The following ZNF521 variants were observed in gnomAD, a reference collection of about 807,000 sequenced individuals.
ZNF521 encodes LYST-interacting protein 3.
A neutral mutation model predicts 105.5 loss-of-function variants in ZNF521; 14 were observed. The observed-to-expected ratio is 0.13, with a 90% CI of 0.09 to 0.21. The LOEUF (loss-of-function observed/expected upper bound fraction) is 0.21, where lower values mean the gene tolerates loss of function less well. Among genes scored for constraint, ZNF521 ranks in the 10% least tolerant of loss-of-function variants. The probability of loss-of-function intolerance (pLI) is 1.00; values close to 1 mark genes in which losing one functional copy is unlikely to be tolerated. For missense variants in ZNF521, 1,233 were observed against 1,629.7 expected, an observed-to-expected ratio of 0.76 and a Z score of 4.19; for synonymous variants, 635 against 606.0, an observed-to-expected ratio of 1.05 and a Z score of -0.70.
chr18:25,190,412 A>C (rs753229818), intron 5 of ZNF521, among the ~76,000 whole-genome samples: 6 of 152,188 alleles, frequency 3.9e-5, no homozygotes, highest in Non-Finnish European at 7.3e-5. Context: ...ATTTCTATTC[A>C]TTCTTTTGAA....
intron 3 of ZNF521, among the ~76,000 whole-genome samples, chr18:25,275,700 G>C (rs1482621123): frequency 6.6e-6 from 1 of 152,142 alleles, no homozygotes; most frequent in Non-Finnish European, 1.5e-5. Flanking sequence ...GGGGCCAATG[G>C]GCTTTCCTGC....
chr18:25,199,924 T>TG (rs780722379), intron 4 of ZNF521, among the ~76,000 whole-genome samples: 55 of 152,070 alleles, frequency 3.6e-4, no homozygotes, highest in Non-Finnish European at 5.9e-4. Flanking sequence ...ATAGCTCACA[T>TG]AATTTTATAA....
intron 5 of ZNF521, among the ~76,000 whole-genome samples, chr18:25,114,660 TAAATGAAA>T (rs2034268119): frequency 6.6e-6 from 1 of 152,156 alleles, no homozygotes; most frequent in Non-Finnish European, 1.5e-5. Context: ...TCTAAGTGGG[TAAATGAAA>T]AGCAAACACC....
At chr18:25,338,412 CA>C (rs1384369561) in intron 2 of ZNF521, among the ~76,000 whole-genome samples, 5 of 151,742 alleles carry the variant, frequency 3.3e-5, no homozygotes, top group African/African-American at 1.2e-4. Context: ...AGTTTTTCTA[CA>C]TTTTTTTTTT....
At chr18:25,185,983 C>T (rs1023345693) in intron 5 of ZNF521, among the ~76,000 whole-genome samples, 1 of 152,142 alleles carries the variant, frequency 6.6e-6, no homozygotes, top group African/African-American at 2.4e-5. Context: ...ATTTTTATCC[C>T]TCATAAAATG....
chr18:25,233,527 T>C (rs1035201606), intron 3 of ZNF521, among the ~76,000 whole-genome samples: 1 of 152,214 alleles, frequency 6.6e-6, no homozygotes, highest in Non-Finnish European at 1.5e-5. Flanking sequence ...ACCAATTAAA[T>C]GAATTAACAG....
At position 25,167,107 on chromosome 18, in the gene ZNF521, T is replaced by C. The variant is rs534322820; in HGVS notation, c.3658+28053A>G. On this transcript the variant is annotated intron_variant, in intron 5 of 7. Coordinates refer to ENST00000361524, the MANE Select transcript of ZNF521 (RefSeq NM_015461.3). ...GTTCTCTTCCTAGCACAGGTGAACC[T>C]AGTTCATCTGAATGGGTACTTACTG... Among the ~76,000 whole-genome samples, 106 of 152,336 alleles carry C rather than the reference T, an allele frequency of 7.0e-4. 1 individual carries two copies. Among genetic ancestry groups the C allele is most frequent in the Admixed American group, 3.4e-3 (52 of 15,302 alleles).
intron 3 of ZNF521, among the ~76,000 whole-genome samples, chr18:25,319,272 T>C (rs1182827031): frequency 1.3e-5 from 2 of 152,094 alleles, no homozygotes; most frequent in Non-Finnish European, 2.9e-5. Flanking sequence ...AACAAATAGA[T>C]AAATTATGAA....
chr18:25,182,749 C>T (rs1186763789), intron 5 of ZNF521, among the ~76,000 whole-genome samples: 2 of 152,098 alleles, frequency 1.3e-5, no homozygotes, highest in East Asian at 1.9e-4. Context: ...ATACTGTGGT[C>T]ACTGGCTGCA....
chr18:25,294,279 T>TA (rs1911197946), intron 3 of ZNF521, among the ~76,000 whole-genome samples: 1 of 152,200 alleles, frequency 6.6e-6, no homozygotes. Flanking sequence ...TTTCTGCTGA[T>TA]CCGCTGGTCA....
At chr18:25,316,847 C>CT (rs200212987) in intron 3 of ZNF521, among the ~76,000 whole-genome samples, 367 of 126,916 alleles carry the variant, frequency 2.9e-3, no homozygotes, top group Middle Eastern at 4.7e-3. Flanking sequence ...GCAAGTAAGA[C>CT]TTTTTTTTTT....
chr18:25,062,572 C>T lies in ZNF521; in HGVS notation c.*140G>A, dbSNP rs889823295. On this transcript the variant is annotated 3_prime_UTR_variant, in exon 8 of 8. Coordinates refer to ENST00000361524, the MANE Select transcript of ZNF521 (RefSeq NM_015461.3). ...AAAGTTCAAACACATGAACATCCAA[C>T]AGTTTGATAATACAAGTTTTATGGT... 8.1e-5 allele frequency: 94 copies of T among 1,163,758 alleles called. No individual in the cohort carries two copies. The highest frequency in any genetic ancestry group is 9.6e-5 in the Non-Finnish European group (78 of 811,132). 72.1% of individuals were successfully genotyped at this position (1,163,758 alleles called of 1,614,324 possible). A position where few individuals can be genotyped will look rare whatever the true frequency, so the allele number is the denominator to read the frequency against.
At chr18:25,303,849 G>A (rs1042600730) in intron 3 of ZNF521, among the ~76,000 whole-genome samples, 3 of 152,158 alleles carry the variant, frequency 2.0e-5, no homozygotes, top group African/African-American at 7.2e-5. Context: ...AATAATCTGA[G>A]AGTAAACTCA....
chr18:25,188,568 G>A (rs2035765768), intron 5 of ZNF521, among the ~76,000 whole-genome samples: 1 of 152,178 alleles, frequency 6.6e-6, no homozygotes, highest in South Asian at 2.1e-4. Context: ...TGCTTTGCAA[G>A]CTTCATTCAG....
rs150659233 is a variant in ZNF521, at chr18:25,098,250, T to C, written c.3659-6169A>G. Among the ~76,000 whole-genome samples the C allele has an allele frequency of 3.9e-3, 594 of 152,222 alleles. 3 individuals carry two copies. The highest frequency in any genetic ancestry group is 0.014 in the African/African-American group (561 of 41,540). ...TTCAACTGAGGGGACTCAGCAGTGG[T>C]ATTTTGGCACAAGTAGGGAATGGGG... is the stretch of plus-strand genomic sequence containing the variant. On this transcript the variant is annotated intron_variant, in intron 5 of 7. Coordinates refer to ENST00000361524, the MANE Select transcript of ZNF521 (RefSeq NM_015461.3).
At chr18:25,101,509 T>C (rs1350807437) in intron 5 of ZNF521, among the ~76,000 whole-genome samples, 2 of 152,126 alleles carry the variant, frequency 1.3e-5, no homozygotes, top group Admixed American at 6.5e-5. Flanking sequence ...GAAATGTGCA[T>C]GTAACAAAGT....
intron 3 of ZNF521, among the ~76,000 whole-genome samples, chr18:25,239,061 C>T (rs1259361750): frequency 6.6e-6 from 1 of 152,092 alleles, no homozygotes. Context: ...AGGGCTTTCT[C>T]GCCCTTATTC....
At chr18:25,326,414 A>G (rs1325641299) in intron 2 of ZNF521, among the ~76,000 whole-genome samples, 3 of 152,216 alleles carry the variant, frequency 2.0e-5, no homozygotes, top group Non-Finnish European at 4.4e-5. Flanking sequence ...TTACCAGGCA[A>G]GGAATATTTC....
intron 2 of ZNF521, among the ~76,000 whole-genome samples, chr18:25,344,938 G>A (rs1229332946): frequency 3.9e-5 from 6 of 152,132 alleles, no homozygotes; most frequent in Non-Finnish European, 8.8e-5. Context: ...AGGAAAAAGA[G>A]ACCCTTAATA....
Sources: gnomAD v4.1 joint callset for allele counts (sites outside exome capture counted in the v4.1 genomes callset) on GRCh38, gnomAD v4.1.1 for gene constraint, MANE v1.5 for transcripts, NCBI Gene and HGNC (gene_info 2026-07-23, HGNC 2026-07-21) for gene names.